The following TRIO variants were observed in gnomAD, a reference collection of about 807,000 sequenced individuals.
The protein encoded by TRIO is trio Rho guanine nucleotide exchange factor.
In TRIO, 58 loss-of-function variants were observed where a neutral mutation model predicts 351.9. The ratio of observed to expected loss-of-function variants is 0.16; its 90% confidence interval spans 0.13 to 0.21. TRIO has a LOEUF of 0.21. Ranked by LOEUF, TRIO falls within the 10% of genes least tolerant of loss-of-function variation. The pLI, the probability that TRIO is intolerant of heterozygous loss-of-function variation, is 1.00. For missense variants in TRIO, 3,201 were observed against 4,027.8 expected, an observed-to-expected ratio of 0.79 and a Z score of 5.56; for synonymous variants, 1,758 against 1,595.7, an observed-to-expected ratio of 1.10 and a Z score of -2.42.
chr5:14,330,850 C>T lies in TRIO; in HGVS notation c.1804C>T (p.Arg602Trp), dbSNP rs1311719411. 1.2e-6 allele frequency: 2 copies of T among 1,614,012 alleles called. No individual in the cohort carries two copies. Among genetic ancestry groups the T allele is most frequent in the East Asian group, 2.2e-5 (1 of 44,900 alleles). ...KHTGVGKSLH[R>W]ARALQKRHED... The stretch of plus-strand genomic sequence containing the variant: ...TACAGGTGTGGGGAAATCTCTTCAT[C>T]GGGCCAGAGCATTGCAGAAACGTCA... Residue 602 changes from arginine to tryptophan, a missense_variant, in exon 10 of 57, where the codon CGG (arginine) becomes TGG (tryptophan). Arg to Trp is a moderately radical substitution (Grantham distance 101). Around this residue, in one of 19 missense-constraint regions of TRIO, gnomAD observed 38 missense variants for 93.4 expected, o/e 0.41. Coordinates refer to ENST00000344204, the MANE Select transcript of TRIO (RefSeq NM_007118.4).
At chr5:14,264,032 T>C (rs184843375) in intron 1 of TRIO, among the ~76,000 whole-genome samples, 2 of 152,336 alleles carry the variant, frequency 1.3e-5, no homozygotes, top group Admixed American at 1.3e-4. Context: ...ATACTACTAC[T>C]TCTTGACTAT....
chr5:14,214,958 A>T (rs1792129563), intron 1 of TRIO, among the ~76,000 whole-genome samples: 1 of 152,192 alleles, frequency 6.6e-6, no homozygotes, highest in East Asian at 1.9e-4. Flanking sequence ...GCCTTTAAAA[A>T]CTTGACTTGG....
chr5:14,334,015 C>T lies in TRIO; in HGVS notation c.1855-2521C>T, dbSNP rs914391738. 4.6e-5 allele frequency among the ~76,000 whole-genome samples: 7 copies of T among 152,320 alleles called. 1 individual carries two copies. The South Asian group carries it at 6.2e-4, about 14-fold the overall frequency. On this transcript the variant is annotated intron_variant, in intron 10 of 56. Transcript: ENST00000344204. ...TTAGTCCAGTGTCTCAGTTTCCCCT[C>T]GTGTGAGGAACTGTGGCTTAGGTAC...
At chr5:14,409,279 A>G (rs1748981074) in intron 33 of TRIO, among the ~76,000 whole-genome samples, 1 of 151,944 alleles carries the variant, frequency 6.6e-6, no homozygotes. Flanking sequence ...CTGTTATAGC[A>G]TATTAGGGAG....
chr5:14,222,473 T>C (rs1363787796), intron 1 of TRIO, among the ~76,000 whole-genome samples: 2 of 152,182 alleles, frequency 1.3e-5, no homozygotes, highest in Non-Finnish European at 2.9e-5. Flanking sequence ...TTGTTTTGAA[T>C]CCTTAGCTCA....
chr5:14,347,957 A>T (rs191237060), intron 11 of TRIO, among the ~76,000 whole-genome samples: 128 of 152,390 alleles, frequency 8.4e-4, no homozygotes, highest in African/African-American at 3.0e-3. Context: ...TAAGAATCAC[A>T]TAGGTGGCAA....
intron 1 of TRIO, among the ~76,000 whole-genome samples, chr5:14,181,569 G>A (rs962304792): frequency 7.9e-5 from 12 of 151,960 alleles, no homozygotes; most frequent in South Asian, 2.1e-4. Flanking sequence ...TCTGGGGGGC[G>A]TAGTCTGTGA....
intron 24 of TRIO, 123 bp from the exon 25 acceptor site, chr5:14,389,166 G>A (rs1372687054): frequency 4.3e-6 from 3 of 694,556 alleles, no homozygotes; most frequent in African/African-American, 3.8e-5. Context: ...TTGTAAAAGG[G>A]TCCAGTCCTT....
chr5:14,453,381 A>G (rs1345424624), intron 34 of TRIO, among the ~76,000 whole-genome samples: 1 of 152,194 alleles, frequency 6.6e-6, no homozygotes, highest in Non-Finnish European at 1.5e-5. Context: ...ATTAAAAGTG[A>G]TTTTTAGTAC....
intron 1 of TRIO, among the ~76,000 whole-genome samples, chr5:14,213,658 T>C (rs1369300843): frequency 2.0e-5 from 3 of 152,240 alleles, no homozygotes; most frequent in Non-Finnish European, 4.4e-5. Flanking sequence ...GCTGTCACAT[T>C]AAGCACAGGA....
intron 1 of TRIO, among the ~76,000 whole-genome samples, chr5:14,170,655 C>A (rs572155844): frequency 2.0e-5 from 3 of 152,110 alleles, no homozygotes; most frequent in African/African-American, 7.2e-5. Flanking sequence ...TACAGGCGTG[C>A]TCCACCATGC....
rs553152771 is a variant in TRIO at position 14,280,732 on chromosome 5, C to T, written c.347+296C>T. 3.9e-4 allele frequency among the ~76,000 whole-genome samples: 60 copies of T among 152,270 alleles called. 1 individual carries two copies. The East Asian group carries it at 9.5e-3, about 24-fold the overall frequency. On this transcript the variant is annotated intron_variant, in intron 3 of 56. Transcript: ENST00000344204. The stretch of plus-strand genomic sequence containing the variant: ...AGTTAGAAAGCCATTGTTGATGATT[C>T]TAATACCGTGACACAGAGGCCTGGG...
chr5:14,247,300 G>T (rs527789281), intron 1 of TRIO, among the ~76,000 whole-genome samples: 82 of 152,356 alleles, frequency 5.4e-4, no homozygotes, highest in Non-Finnish European at 8.5e-4. Context: ...GTGATGTGTG[G>T]ATGTAAACTT....
At chr5:14,170,302 T>C (rs1380031443) in intron 1 of TRIO, among the ~76,000 whole-genome samples, 4 of 152,150 alleles carry the variant, frequency 2.6e-5, no homozygotes, top group African/African-American at 4.8e-5. Context: ...GGAGAGATTA[T>C]AGTAGTTTGT....
At chr5:14,490,273 C>T (rs940764123) in intron 48 of TRIO, among the ~76,000 whole-genome samples, 5 of 152,168 alleles carry the variant, frequency 3.3e-5, no homozygotes, top group Admixed American at 1.3e-4. Context: ...AGGGAGACTC[C>T]GTCTCAAAAA....
At chr5:14,216,299 T>G (rs1303829319) in intron 1 of TRIO, among the ~76,000 whole-genome samples, 2 of 152,244 alleles carry the variant, frequency 1.3e-5, no homozygotes, top group African/African-American at 4.8e-5. Context: ...TGGGTTTGGC[T>G]GTATTAGAGT....
At position 14,415,460 on chromosome 5, in the gene TRIO, G is replaced by A. The variant is rs1749563131; in HGVS notation, c.4960-4318G>A. On this transcript the variant is annotated intron_variant, in intron 33 of 56. Coordinates refer to ENST00000344204, the MANE Select transcript of TRIO (RefSeq NM_007118.4). ...GCCTCATTGTTGTGTCCAGGGCGGG[G>A]GTGTTCTGAGGAACAAAGGAAGACG... Among the ~76,000 whole-genome samples, 4 of 152,156 alleles carry A rather than the reference G, an allele frequency of 2.6e-5. No homozygotes were observed. In the South Asian group the frequency reaches 8.3e-4, roughly 32 times the overall value.
intron 30 of TRIO, chr5:14,399,396 C>A: frequency 2.6e-6 from 1 of 383,642 alleles, no homozygotes; most frequent in Non-Finnish European, 4.6e-6. Flanking sequence ...ATAATCATAT[C>A]TATGACTAAG....
At chr5:14,316,381 G>A (rs1739382795) in intron 8 of TRIO, 132 bp from the exon 9 acceptor site, 1 of 841,108 alleles carries the variant, frequency 1.2e-6, no homozygotes, top group Non-Finnish European at 1.9e-6. Context: ...GAATGTCTGG[G>A]CATGTGTGTA....
Sources: gnomAD v4.1 joint callset for allele counts (sites outside exome capture counted in the v4.1 genomes callset) on GRCh38, gnomAD v4.1.1 for gene constraint, gnomAD v4.1.1 regional missense constraint, MANE v1.5 for transcripts, NCBI Gene and HGNC (gene_info 2026-07-23, HGNC 2026-07-21) for gene names.